Variants in TGM7 observed in about 807,000 individuals in gnomAD.
TGM7 encodes the protein protein-glutamine gamma-glutamyltransferase Z.
TGM7 carries 74 observed loss-of-function variants against 79.5 expected under a neutral mutation model. The ratio of observed to expected loss-of-function variants is 0.93; its 90% confidence interval spans 0.77 to 1.13. TGM7 has a LOEUF of 1.13. Ranked by LOEUF, TGM7 falls within the 50% of genes most tolerant of loss-of-function variation. The pLI is 0.00. For missense variants in TGM7, 912 were observed against 905.9 expected (o/e 1.01, Z -0.09); for synonymous variants, 354 against 362.5 (o/e 0.98, Z 0.27).
At chr15:43,280,632 A>AG (rs1412187443) in intron 9 of TGM7, among the ~76,000 whole-genome samples, 1 of 152,080 alleles carries the variant, frequency 6.6e-6, no homozygotes, top group Non-Finnish European at 1.5e-5. Flanking sequence ...TAAAAAAAAA[A>AG]CAAAAGAGCT....
intron 4 of TGM7, among the ~76,000 whole-genome samples, chr15:43,291,349 A>C (rs1161893730): frequency 6.6e-6 from 1 of 152,198 alleles, no homozygotes; most frequent in African/African-American, 2.4e-5. Context: ...GGTTCTGTTT[A>C]TATGCTGGAT....
intron 8 of TGM7, among the ~76,000 whole-genome samples, 177 bp downstream of exon 8, chr15:43,282,339 TC>T (rs1171624656): frequency 1.3e-5 from 2 of 152,188 alleles, no homozygotes; most frequent in Non-Finnish European, 2.9e-5. Context: ...AGGTAACCCA[TC>T]CGGGTGACTC....
At chr15:43,292,677 G>A (rs2042969254) in intron 3 of TGM7, 32 bp downstream of exon 3, 1 of 1,611,484 alleles carries the variant, frequency 6.2e-7, no homozygotes, top group Non-Finnish European at 8.5e-7. Flanking sequence ...CAATGGATCA[G>A]GTTAGCAATA....
chr15:43,292,869 A>G lies in TGM7; in HGVS notation c.279T>C (p.Asp93=), dbSNP rs1050164092. The stretch of plus-strand genomic sequence containing the variant: ...GGAGAGAGTTGGAGTCAATGGTGAA[A>G]TCAGAAGCGCTCCAGACATTCCCGG... ...VQPGNVWSAS[D]FTIDSNSLQV... Residue 93 remains aspartate (D), a synonymous_variant, in exon 3 of 13, where the codon GAT becomes GAC. Coordinates refer to ENST00000452443, the MANE Select transcript of TGM7 (RefSeq NM_052955.3). The G allele has an allele frequency of 1.2e-6, 2 of 1,613,922 alleles. No homozygotes were observed. Among genetic ancestry groups the G allele is most frequent in the African/African-American group, 2.7e-5 (2 of 74,942 alleles).
chr15:43,279,835 C>T lies in TGM7; in HGVS notation c.1468G>A (p.Ala490Thr), dbSNP rs2142402428. The T allele has an allele frequency of 6.2e-7, 1 of 1,614,242 alleles. No homozygotes were observed. Among genetic ancestry groups the T allele is most frequent in the Non-Finnish European group, 8.5e-7 (1 of 1,180,044 alleles). ...CTGGCCAGGTGAAGCTGCAGCTGCG[C>T]TGGCTGATCCCTAAGACCCCCAGAC... is the stretch of plus-strand genomic sequence containing the variant. ...LESGGLRDQPAQLQLHLARIP... is the reference protein window; with the variant it reads ...LESGGLRDQPTQLQLHLARIP... The change falls in exon 10 of 13, where the codon GCG becomes ACG. Residue 490 changes from alanine (A) to threonine (T), a missense_variant. Ala to Thr is a moderately conservative substitution (Grantham distance 58). Transcript: ENST00000452443.
At position 43,284,834 on chromosome 15, in the gene TGM7, A is replaced by G; in HGVS notation, c.984T>C (p.Thr328=). 6.2e-7 allele frequency: 1 copy of G among 1,614,120 alleles called. No individual in the cohort carries two copies. The highest frequency in any genetic ancestry group is 8.5e-7 in the Non-Finnish European group (1 of 1,180,024). Residue 328 remains threonine, a synonymous_variant, in exon 7 of 13, where the codon ACT becomes ACC. Coordinates refer to ENST00000452443, the MANE Select transcript of TGM7 (RefSeq NM_052955.3). ...CTCACCATATTTTGTCTCGTTTCTG[A>G]GTTGACAGCATCTCGGCATTTCGGT... ...YYDRNAEMLS[T]QKRDKIWNFH...
Position 43,284,923 on chromosome 15 carries a change from C to A in TGM7, c.895G>T (p.Val299Phe). The change falls in exon 7 of 13, where the codon GTT becomes TTT. Residue 299 changes from valine to phenylalanine, a missense_variant. Transcript: ENST00000452443. ...TGCGCGGAACGGAAATTGGAAACAA[C>A]ACGGGTTGGAACACCTAAGCATCTC... Reference protein sequence around the residue: ...VMRCLGVPTRVVSNFRSAHNV... With the variant: ...VMRCLGVPTRFVSNFRSAHNV... 6.2e-7 allele frequency: 1 copy of A among 1,614,188 alleles called. No homozygotes were observed. The highest frequency in any genetic ancestry group is 1.1e-5 in the South Asian group (1 of 91,078).
At chr15:43,293,315 T>G in intron 2 of TGM7, 134 bp downstream of exon 2, 5 of 1,173,386 alleles carry the variant, frequency 4.3e-6, no homozygotes, top group Non-Finnish European at 4.8e-6. Context: ...GTCCTGAGCA[T>G]GAGGGGTCTG....
chr15:43,276,531 A>T lies in TGM7; in HGVS notation c.2057T>A (p.Val686Asp). The change falls in exon 13 of 13, where the codon GTT becomes GAT. Residue 686 changes from valine (V) to aspartate (D), a missense_variant. Transcript: ENST00000452443. ...CTTGACCTCGTTGCTGCTGATGAGA[A>T]CCTGGAGCTGGCGGGGTCCAGCTTT... ...PTKAGPRQLQ[V>D]LISSNEVKEI... 1 of 1,614,116 alleles carries T rather than the reference A, an allele frequency of 6.2e-7. No homozygotes were observed. Among genetic ancestry groups the T allele is most frequent in the African/African-American group, 1.3e-5 (1 of 75,014 alleles).
chr15:43,295,889 A>G (rs2042989634), intron 1 of TGM7, among the ~76,000 whole-genome samples: 1 of 152,360 alleles, frequency 6.6e-6, no homozygotes, highest in East Asian at 1.9e-4. Flanking sequence ...ACTTAAATAG[A>G]TATGTTATTG....
chr15:43,287,339 CT>C lies in TGM7; in HGVS notation c.805del (p.Arg269GlyfsTer6), dbSNP rs778325489. ...SVAILQQWSA[R>X]GGQPVKYGQC... ...TCCGTACTTCACAGGCTGCCCGCCCCTGGCTGACCACTGCTGTAGGATGGCC... is the reference window on the plus strand; with the variant it reads ...TCCGTACTTCACAGGCTGCCCGCCCCGGCTGACCACTGCTGTAGGATGGCC... On this transcript the variant is annotated frameshift_variant, in exon 6 of 13. Coordinates refer to ENST00000452443, the MANE Select transcript of TGM7 (RefSeq NM_052955.3). LOFTEE classifies it high-confidence loss of function. The C allele has an allele frequency of 4.3e-6, 7 of 1,614,188 alleles. No individual in the cohort carries two copies. Among genetic ancestry groups the C allele is most frequent in the Non-Finnish European group, 5.9e-6 (7 of 1,180,038 alleles).
In TGM7 at chr15:43,293,339, A is replaced by G. The variant is rs1427985057; in HGVS notation, c.193+110T>C. 8.0e-6 allele frequency: 11 copies of G among 1,375,426 alleles called. No individual in the cohort carries two copies. In the South Asian group the frequency reaches 1.5e-4, roughly 19 times the overall value. The allele number at this position is 1,375,426 out of a possible 1,614,324, so 85.2% of individuals were successfully genotyped here. ...ATGAGGGGTCTGGGGCTCCCAGGAC[A>G]AGAAAGTGGAGGGCAGCTCAGGTGG... On this transcript the variant is annotated intron_variant, in intron 2 of 12. Transcript: ENST00000452443.
At chr15:43,284,010 C>A (rs980981635) in intron 7 of TGM7, among the ~76,000 whole-genome samples, 11 of 152,130 alleles carry the variant, frequency 7.2e-5, no homozygotes, top group Non-Finnish European at 2.9e-5. Flanking sequence ...GAGTTCGAGA[C>A]CAACATGGTG....
chr15:43,282,533 G>A lies in TGM7; in HGVS notation c.1092C>T (p.Pro364=). The change falls in exon 8 of 13, where the codon CCC becomes CCT. Residue 364 remains proline (P), a synonymous_variant. Transcript: ENST00000452443. ...YNGWQVLDPT[P]QQTSSGLFCC... ...CTCACTCACCACTGCTGGTCTGCTG[G>A]GGAGTGGGGTCCAGAACCTGCCACC... 6.3e-7 allele frequency: 1 copy of A among 1,593,310 alleles called. No homozygotes were observed. The highest frequency in any genetic ancestry group is 8.6e-7 in the Non-Finnish European group (1 of 1,169,040).
chr15:43,293,417 A>G, intron 2 of TGM7, 32 bp downstream of exon 2: 2 of 1,551,512 alleles, frequency 1.3e-6, no homozygotes, highest in South Asian at 1.2e-5. Flanking sequence ...TTTTGACGGA[A>G]CCTGCGGGGC....
Position 43,279,683 on chromosome 15 carries a change from A to G in TGM7, c.1620T>C (p.Gly540=), listed in dbSNP as rs1371552113. Residue 540 remains glycine (G), a synonymous_variant, in exon 10 of 13, where the codon GGT becomes GGC. Coordinates refer to ENST00000452443, the MANE Select transcript of TGM7 (RefSeq NM_052955.3). ...GCCTCCAGAAGGGCTTCTGGGTACCACCCCCATGCAGCAGGGCCTGTGCAC... is the reference window on the plus strand; with the variant it reads ...GCCTCCAGAAGGGCTTCTGGGTACCGCCCCCATGCAGCAGGGCCTGTGCAC... ...RFCAQALLHG[G]GTQKPFWRHT... is the part of the protein sequence containing the mutation. The G allele has an allele frequency of 1.2e-6, 2 of 1,612,652 alleles. No individual in the cohort carries two copies. Among genetic ancestry groups the G allele is most frequent in the East Asian group, 2.2e-5 (1 of 44,822 alleles).
intron 8 of TGM7, 109 bp from the exon 9 acceptor site, chr15:43,282,195 T>A (rs2042913207): frequency 6.9e-7 from 1 of 1,455,042 alleles, no homozygotes; most frequent in Admixed American, 2.1e-5. Context: ...CCGTGGGATA[T>A]CTTCCAGTTT....
intron 4 of TGM7, among the ~76,000 whole-genome samples, chr15:43,290,601 G>T (rs1280404248): frequency 6.6e-6 from 1 of 152,180 alleles, no homozygotes; most frequent in African/African-American, 2.4e-5. Context: ...ATTCTGTGAA[G>T]AAAGTCATTG....
At chr15:43,290,407 C>G (rs923308828) in intron 4 of TGM7, among the ~76,000 whole-genome samples, 1 of 152,190 alleles carries the variant, frequency 6.6e-6, no homozygotes, top group African/African-American at 2.4e-5. Context: ...GGGCTCTGTT[C>G]TGTTCCATTG....
Sources: gnomAD v4.1 joint callset for allele counts (sites outside exome capture counted in the v4.1 genomes callset) on GRCh38, gnomAD v4.1.1 for gene constraint, MANE v1.5 for transcripts, NCBI Gene and HGNC (gene_info 2026-07-23, HGNC 2026-07-21) for gene names.